Variants in SDK1 observed in about 807,000 individuals in gnomAD.
The protein encoded by SDK1 is protein sidekick-1.
Under a neutral mutation model 245.5 loss-of-function variants are expected in SDK1, and 157 were observed. The ratio of observed to expected loss-of-function variants is 0.64; its 90% CI spans 0.56 to 0.73. The LOEUF is 0.73. Ranked by LOEUF, SDK1 falls within the 30% of genes least tolerant of loss-of-function variation. The pLI is 0.00. For missense variants in SDK1, 3,583 were observed against 3,002.3 expected, an observed-to-expected ratio of 1.19 and a Z score of -4.52; for synonymous variants, 1,647 against 1,278.5, an observed-to-expected ratio of 1.29 and a Z score of -6.15.
At chr7:4,219,135 A>G (rs1784998576) in intron 38 of SDK1, among the ~76,000 whole-genome samples, 1 of 152,210 alleles carries the variant, frequency 6.6e-6, no homozygotes, top group Non-Finnish European at 1.5e-5. Context: ...CGAGGCATCA[A>G]TACTTGCAGT....
intron 1 of SDK1, among the ~76,000 whole-genome samples, chr7:3,485,683 GTTTTTTT>G (rs71552309): frequency 1.3e-4 from 5 of 38,178 alleles, no homozygotes; most frequent in South Asian, 1.7e-3. Context: ...TCTTTGGAGG[GTTTTTTT>G]TTTTTTTTTT....
intron 5 of SDK1, among the ~76,000 whole-genome samples, chr7:3,912,733 G>T (rs1031916220): frequency 6.6e-6 from 1 of 152,224 alleles, no homozygotes; most frequent in African/African-American, 2.4e-5. Context: ...GGCACGGTCT[G>T]GCCCGTGGGG....
At chr7:3,809,744 G>C (rs1779339258) in intron 4 of SDK1, among the ~76,000 whole-genome samples, 1 of 152,168 alleles carries the variant, frequency 6.6e-6, no homozygotes, top group African/African-American at 2.4e-5. Context: ...ATAATCCTCT[G>C]CGGGCAGCAT....
chr7:4,209,921 TA>T, intron 37 of SDK1, 103 bp from the exon 38 acceptor site: 1 of 1,064,142 alleles, frequency 9.4e-7, no homozygotes, highest in Non-Finnish European at 1.3e-6. Flanking sequence ...GAGTTGAAAA[TA>T]ACATCGAATA....
chr7:3,456,347 A>G (rs980133070), intron 1 of SDK1, among the ~76,000 whole-genome samples: 2 of 152,186 alleles, frequency 1.3e-5, no homozygotes, highest in Admixed American at 6.5e-5. Flanking sequence ...CTCTACTGAC[A>G]TAAATGTTGG....
chr7:3,637,316 C>G (rs1782491324), intron 2 of SDK1, among the ~76,000 whole-genome samples: 1 of 152,174 alleles, frequency 6.6e-6, no homozygotes, highest in Non-Finnish European at 1.5e-5. Flanking sequence ...AAGCTGGTGT[C>G]AAACTCCTGG....
chr7:3,815,818 A>G (rs1005619344), intron 4 of SDK1, among the ~76,000 whole-genome samples: 4 of 150,034 alleles, frequency 2.7e-5, no homozygotes, highest in Non-Finnish European at 4.4e-5. Flanking sequence ...CACCACACCT[A>G]TTCCAAAATT....
intron 1 of SDK1, among the ~76,000 whole-genome samples, chr7:3,328,951 A>G (rs1780001250): frequency 6.6e-6 from 1 of 152,116 alleles, no homozygotes; most frequent in African/African-American, 2.4e-5. Context: ...CTAGCATGGA[A>G]ATGTAAGGAA....
intron 1 of SDK1, among the ~76,000 whole-genome samples, chr7:3,305,717 A>T (rs1028196640): frequency 2.6e-5 from 4 of 152,200 alleles, no homozygotes; most frequent in Admixed American, 2.6e-4. Context: ...TTATTAGGCC[A>T]CTGGGTATTT....
At chr7:3,938,364 C>T (rs942166283) in intron 5 of SDK1, among the ~76,000 whole-genome samples, 2 of 152,054 alleles carry the variant, frequency 1.3e-5, no homozygotes, top group Non-Finnish European at 1.5e-5. Flanking sequence ...GATCCTCAGC[C>T]TGGCACGGTG....
At chr7:4,098,131 A>G (rs1782279711) in intron 22 of SDK1, among the ~76,000 whole-genome samples, 1 of 152,120 alleles carries the variant, frequency 6.6e-6, no homozygotes, top group South Asian at 2.1e-4. Flanking sequence ...TCTATATGAG[A>G]TGAATGGTGG....
intron 28 of SDK1, among the ~76,000 whole-genome samples, chr7:4,134,354 G>A (rs944163894): frequency 6.6e-6 from 1 of 152,182 alleles, no homozygotes; most frequent in Admixed American, 6.5e-5. Flanking sequence ...GCCTGGCCCG[G>A]CGGAGAGGGA....
intron 4 of SDK1, among the ~76,000 whole-genome samples, chr7:3,738,785 A>G (rs948154456): frequency 4.0e-5 from 6 of 151,832 alleles, no homozygotes; most frequent in Non-Finnish European, 7.4e-5. Flanking sequence ...ACTCTTTTTA[A>G]TACTATTGTA....
In SDK1 at chr7:4,149,339, C is replaced by A. The variant is rs781101896; in HGVS notation, c.4501C>A (p.Pro1501Thr). ...TARSLRLQWV[P>T]GSDGASPIRY... is the part of the protein sequence containing the mutation. ...ACGCAGCCTCCGGCTCCAGTGGGTC[C>A]CGGGCAGCGACGGGGCCTCCCCCAT... The change falls in exon 30 of 45, where the codon CCG becomes ACG. Residue 1501 changes from proline (P) to threonine (T), a missense_variant. Pro to Thr is a conservative substitution (Grantham distance 38). Transcript: ENST00000404826. 1 of 1,591,750 alleles carries A rather than the reference C, an allele frequency of 6.3e-7. No homozygotes were observed. The highest frequency in any genetic ancestry group is 8.6e-7 in the Non-Finnish European group (1 of 1,169,532).
At chr7:3,857,060 C>G (rs1219431777) in intron 5 of SDK1, among the ~76,000 whole-genome samples, 1 of 152,030 alleles carries the variant, frequency 6.6e-6, no homozygotes, top group African/African-American at 2.4e-5. Flanking sequence ...CAGAATTACA[C>G]TATGAAAAAA....
At chr7:3,817,382 C>T (rs985736965) in intron 4 of SDK1, among the ~76,000 whole-genome samples, 1 of 152,202 alleles carries the variant, frequency 6.6e-6, no homozygotes, top group Admixed American at 6.5e-5. Flanking sequence ...GTTAGTGTCT[C>T]CTCCACTCTG....
At chr7:3,982,708 C>T (rs1490001451) in intron 13 of SDK1, among the ~76,000 whole-genome samples, 5 of 151,934 alleles carry the variant, frequency 3.3e-5, no homozygotes, top group South Asian at 2.1e-4. Flanking sequence ...GGCTTGGTGG[C>T]GGGTGCCTGT....
chr7:4,209,854 C>T (rs1010456793), intron 37 of SDK1, among the ~76,000 whole-genome samples, 171 bp from the exon 38 acceptor site: 5 of 152,194 alleles, frequency 3.3e-5, no homozygotes, highest in Admixed American at 2.0e-4. Context: ...GATTGATCCT[C>T]GGAAGTTCTG....
At chr7:3,388,616 T>G (rs1167474064) in intron 1 of SDK1, among the ~76,000 whole-genome samples, 1 of 152,208 alleles carries the variant, frequency 6.6e-6, no homozygotes, top group Non-Finnish European at 1.5e-5. Context: ...GTAGTAGTTG[T>G]GTGTACTTTC....
Sources: allele counts gnomAD v4.1 joint callset (sites outside exome capture counted in the v4.1 genomes callset), GRCh38; gene constraint gnomAD v4.1.1; transcripts MANE v1.5; gene names NCBI Gene and HGNC (gene_info 2026-07-23, HGNC 2026-07-21).